Variants in TBL1XR1 observed in about 807,000 individuals in gnomAD.
The protein encoded by TBL1XR1 is F-box-like/WD repeat-containing protein TBL1XR1.
TBL1XR1 carries 5 observed loss-of-function variants against 66.9 expected under a neutral mutation model. That is an observed-to-expected ratio of 0.07 (90% CI 0.04 to 0.16). The LOEUF is 0.16. Ranked by LOEUF, TBL1XR1 falls within the 10% of genes least tolerant of loss-of-function variation. TBL1XR1 has a pLI of 1.00. For synonymous variants in TBL1XR1, 210 were observed against 206.0 expected (o/e 1.02, Z -0.17); for missense variants, 238 against 623.2 (o/e 0.38, Z 6.58).
intron 5 of TBL1XR1, among the ~76,000 whole-genome samples, chr3:177,050,901 GAATTA>G (rs962303107): frequency 6.6e-6 from 1 of 152,018 alleles, no homozygotes; most frequent in African/African-American, 2.4e-5. Flanking sequence ...AAAATGGTTT[GAATTA>G]AATATAATGT....
chr3:177,037,837 C>A (rs1377850572), intron 12 of TBL1XR1: 1 of 333,732 alleles, frequency 3.0e-6, no homozygotes, highest in Non-Finnish European at 5.5e-6. Flanking sequence ...CTCTGGAGAG[C>A]CCTAACTAAT....
intron 10 of TBL1XR1, among the ~76,000 whole-genome samples, chr3:177,040,141 G>A (rs1332290254): frequency 6.6e-6 from 1 of 152,074 alleles, no homozygotes; most frequent in African/African-American, 2.4e-5. Flanking sequence ...AAGACAGTGG[G>A]ACCTCATTTC....
chr3:177,088,144 T>C (rs1722382354), intron 2 of TBL1XR1, among the ~76,000 whole-genome samples: 1 of 152,184 alleles, frequency 6.6e-6, no homozygotes, highest in Non-Finnish European at 1.5e-5. Context: ...TGTTTTAAAA[T>C]GAAAATAGTA....
rs527826451 is a variant in TBL1XR1, at chr3:177,168,471, G to A, written c.-122+28650C>T. On this transcript the variant is annotated intron_variant, in intron 1 of 15. Transcript: ENST00000457928. ...TAATTTTTTTATTTTTAGTAGAGGCGGGGTTTCACCATATTAGCCAGGCTG... is the reference window on the plus strand; with the variant it reads ...TAATTTTTTTATTTTTAGTAGAGGCAGGGTTTCACCATATTAGCCAGGCTG... Among the ~76,000 whole-genome samples the A allele has an allele frequency of 6.6e-5, 10 of 152,070 alleles. 1 individual carries two copies. The Middle Eastern group carries it at 0.017, about 259-fold the overall frequency.
chr3:177,053,035 G>C lies in TBL1XR1; in HGVS notation c.204+738C>G, dbSNP rs142306585. Among the ~76,000 whole-genome samples, 7 of 152,320 alleles carry C rather than the reference G, an allele frequency of 4.6e-5. No homozygotes were observed. In the East Asian group the frequency reaches 9.6e-4, roughly 21 times the overall value. On this transcript the variant is annotated intron_variant, in intron 4 of 15. Coordinates refer to ENST00000457928, the MANE Select transcript of TBL1XR1 (RefSeq NM_024665.7). ...GACAATCGCTTGAACCCAGGAGGCG[G>C]AGGTTGCAGTGAGCTGAGATTGTGC... is the stretch of plus-strand genomic sequence containing the variant.
intron 1 of TBL1XR1, among the ~76,000 whole-genome samples, chr3:177,180,712 A>T (rs775782376): frequency 4.6e-5 from 7 of 151,878 alleles, no homozygotes; most frequent in African/African-American, 1.7e-4. Flanking sequence ...AAATGTCTCT[A>T]AATACCAAGA....
intron 2 of TBL1XR1, among the ~76,000 whole-genome samples, chr3:177,082,457 T>C (rs1027458990): frequency 6.6e-5 from 10 of 151,672 alleles, no homozygotes; most frequent in Non-Finnish European, 1.0e-4. Context: ...TATTTACTTT[T>C]CTCTCATCCC....
intron 1 of TBL1XR1, among the ~76,000 whole-genome samples, chr3:177,103,589 T>C (rs1724499012): frequency 2.0e-5 from 3 of 152,200 alleles, no homozygotes; most frequent in Admixed American, 6.5e-5. Flanking sequence ...TTGACTGTTC[T>C]TCAAAAATAC....
intron 1 of TBL1XR1, among the ~76,000 whole-genome samples, chr3:177,157,923 A>ATTCATGTATTTATGAGCTG (rs1731705827): frequency 6.6e-6 from 1 of 152,154 alleles, no homozygotes; most frequent in South Asian, 2.1e-4. Flanking sequence ...GCATTTTATC[A>ATTCATGTATTTATGAGCTG]TATGTAAAGT....
chr3:177,034,462 C>A (rs1163948918), intron 12 of TBL1XR1, 137 bp from the exon 13 acceptor site: 2 of 537,126 alleles, frequency 3.7e-6, no homozygotes, highest in Admixed American at 8.7e-5. Context: ...AGAATATTTA[C>A]AAAGAAACTG....
At chr3:177,140,631 T>C (rs1179845922) in intron 1 of TBL1XR1, among the ~76,000 whole-genome samples, 1 of 152,182 alleles carries the variant, frequency 6.6e-6, no homozygotes, top group African/African-American at 2.4e-5. Context: ...CAGCTGAGTA[T>C]GAACCAGAAG....
At chr3:177,161,229 C>G (rs997158431) in intron 1 of TBL1XR1, among the ~76,000 whole-genome samples, 2 of 152,082 alleles carry the variant, frequency 1.3e-5, no homozygotes, top group African/African-American at 4.8e-5. Flanking sequence ...TCTTAGATAA[C>G]CCCTGTGCCA....
At chr3:177,044,768 T>TC in intron 10 of TBL1XR1, 1 of 152,246 alleles carries the variant, frequency 6.6e-6, no homozygotes, top group African/African-American at 2.4e-5. Context: ...ACTATGTACC[T>TC]CATCAGGTTG....
chr3:177,098,193 C>G (rs1723736592), intron 2 of TBL1XR1, among the ~76,000 whole-genome samples: 1 of 150,502 alleles, frequency 6.6e-6, no homozygotes, highest in East Asian at 2.0e-4. Context: ...GCCTGGCCAA[C>G]AAGAACGAAA....
intron 1 of TBL1XR1, among the ~76,000 whole-genome samples, chr3:177,149,354 ACT>A (rs1369721843): frequency 6.6e-6 from 1 of 152,078 alleles, no homozygotes; most frequent in East Asian, 1.9e-4. Flanking sequence ...TCCCCCAATG[ACT>A]CTGTGAACCA....
chr3:177,120,689 T>C (rs1025504105), intron 1 of TBL1XR1: 4 of 152,222 alleles, frequency 2.6e-5, no homozygotes, highest in Admixed American at 1.3e-4. Context: ...ACTTTTTTTA[T>C]TTTTAGACTA....
chr3:177,176,952 C>T (rs1020850125), intron 1 of TBL1XR1, among the ~76,000 whole-genome samples: 1 of 152,110 alleles, frequency 6.6e-6, no homozygotes, highest in African/African-American at 2.4e-5. Flanking sequence ...TTTACTCCAG[C>T]TTGGGCAACA....
chr3:177,139,088 C>G (rs1356487774), intron 1 of TBL1XR1, among the ~76,000 whole-genome samples: 1 of 152,166 alleles, frequency 6.6e-6, no homozygotes, highest in Non-Finnish European at 1.5e-5. Context: ...GCAAGAGGAA[C>G]ATACAGAAAT....
Position 177,033,678 on chromosome 3 carries a change from G to A in TBL1XR1, c.1250+520C>T, listed in dbSNP as rs970523122. Reference sequence around the variant, plus strand: ...TAAAGATTCCCCTTAAGGAACCGACGTAAGTGCCCATCAGCTAACAAGTGG... The same window carrying A: ...TAAAGATTCCCCTTAAGGAACCGACATAAGTGCCCATCAGCTAACAAGTGG... On this transcript the variant is annotated intron_variant, in intron 13 of 15. Transcript: ENST00000457928. Among the ~76,000 whole-genome samples, 3 of 152,028 alleles carry A rather than the reference G, an allele frequency of 2.0e-5. No homozygotes were observed. The South Asian group carries it at 6.2e-4, about 32-fold the overall frequency.
Sources: gnomAD v4.1 joint callset for allele counts (sites outside exome capture counted in the v4.1 genomes callset) on GRCh38, gnomAD v4.1.1 for gene constraint, MANE v1.5 for transcripts, NCBI Gene and HGNC (gene_info 2026-07-23, HGNC 2026-07-21) for gene names.